MYLK: variants seen among roughly 807,000 people sequenced by gnomAD.
MYLK encodes the protein myosin light chain kinase, also known as myosin light chain kinase, smooth muscle.
Under a neutral mutation model 203.4 loss-of-function variants are expected in MYLK, and 106 were observed. That is an observed-to-expected ratio of 0.52 (90% CI 0.45 to 0.61). The LOEUF (loss-of-function observed/expected upper bound fraction) is 0.61. MYLK is among the 20% of genes least tolerant of loss of function. The probability of loss-of-function intolerance (pLI) is 0.00; values close to 1 mark genes in which losing one functional copy is unlikely to be tolerated. For missense variants in MYLK, 2,072 were observed against 2,442.3 expected (o/e 0.85, Z 3.20); for synonymous variants, 867 against 959.5 (o/e 0.90, Z 1.78).
chr3:123,647,480 T>C (rs1190990214), intron 26 of MYLK, 53 bp from the exon 27 acceptor site: 16 of 1,567,594 alleles, frequency 1.0e-5, no homozygotes, highest in Non-Finnish European at 1.4e-5. Flanking sequence ...AGCTTTCCGC[T>C]AACTTGGGGT....
chr3:123,735,966 C>T (rs189343576), intron 8 of MYLK, among the ~76,000 whole-genome samples: 23 of 152,216 alleles, frequency 1.5e-4, no homozygotes, highest in Non-Finnish European at 2.6e-4. Flanking sequence ...TGTTTTCTTT[C>T]GTTTATTTGT....
chr3:123,722,280 C>G lies in MYLK; in HGVS notation c.1652G>C (p.Gly551Ala), dbSNP rs1164342090. 8.3e-6 allele frequency: 13 copies of G among 1,565,980 alleles called. No individual in the cohort carries two copies. The highest frequency in any genetic ancestry group is 1.1e-5 in the Non-Finnish European group (13 of 1,154,866). Residue 551 changes from glycine (G) to alanine (A), a missense_variant and splice_region_variant, in exon 13 of 34, where the codon GGG becomes GCG. Around this residue, in one of 3 missense-constraint regions of MYLK, gnomAD observed 865 missense variants for 1,016.0 expected, o/e 0.85. Coordinates refer to ENST00000360304, the MANE Select transcript of MYLK (RefSeq NM_053025.4). ...GGAGCGAGCGTACTGGATGGGCTGC[C>G]CTGTGGAGGAAGCACAGGAAGGCTC... ...PVPRITWLLN[G>A]QPIQYARSTC...
intron 4 of MYLK, among the ~76,000 whole-genome samples, chr3:123,776,210 G>A (rs541621725): frequency 3.6e-4 from 55 of 152,282 alleles, no homozygotes; most frequent in African/African-American, 1.2e-3. Flanking sequence ...ACCAAGCTAC[G>A]AGCTGGGGCA....
chr3:123,712,262 G>C (rs558881686), intron 13 of MYLK, among the ~76,000 whole-genome samples: 1 of 152,374 alleles, frequency 6.6e-6, no homozygotes, highest in African/African-American at 2.4e-5. Flanking sequence ...GGCTGCAGCA[G>C]TCAGGAGAGC....
intron 18 of MYLK, among the ~76,000 whole-genome samples, chr3:123,693,964 A>C (rs1193238937): frequency 1.3e-5 from 2 of 152,226 alleles, no homozygotes; most frequent in Non-Finnish European, 2.9e-5. Flanking sequence ...CCCACAAGCC[A>C]CTGGCATTGG....
At chr3:123,774,018 T>A (rs1576926191) in intron 4 of MYLK, among the ~76,000 whole-genome samples, 1 of 152,114 alleles carries the variant, frequency 6.6e-6, no homozygotes, top group Non-Finnish European at 1.5e-5. Flanking sequence ...CTTGGCAGGG[T>A]CCTGGGGCTG....
rs201711566 is a variant in MYLK at position 123,700,569 on chromosome 3, C to T, written c.2899G>A (p.Val967Met). The T allele has an allele frequency of 1.6e-5, 26 of 1,613,632 alleles. No individual in the cohort carries two copies. Among genetic ancestry groups the T allele is most frequent in the South Asian group, 4.4e-5 (4 of 91,072 alleles). Residue 967 changes from valine (V) to methionine (M), a missense_variant, in exon 18 of 34, where the codon GTG becomes ATG. Transcript: ENST00000360304. ...LAKKGTSKTP[V>M]PEKVPPPKPA... The stretch of plus-strand genomic sequence containing the variant: ...TTTGGCGGTGGCACCTTCTCAGGCA[C>T]GGGGGTCTTGGAAGTCCCCTTCTTG...
intron 11 of MYLK, among the ~76,000 whole-genome samples, chr3:123,729,825 T>C (rs1156305977): frequency 1.3e-5 from 2 of 150,080 alleles, no homozygotes; most frequent in Non-Finnish European, 2.9e-5. Flanking sequence ...GAGGCAGCAA[T>C]GAGCTATTAT....
chr3:123,818,507 C>T (rs971445725), intron 3 of MYLK, among the ~76,000 whole-genome samples: 16 of 152,022 alleles, frequency 1.1e-4, no homozygotes, highest in African/African-American at 2.9e-4. Context: ...CTGGACAACA[C>T]GGCAAACCAC....
intron 19 of MYLK, among the ~76,000 whole-genome samples, chr3:123,687,059 T>C (rs1370793309): frequency 1.3e-5 from 2 of 151,968 alleles, no homozygotes; most frequent in Non-Finnish European, 2.9e-5. Flanking sequence ...CCTTCTCTAC[T>C]AAAAATACAA....
chr3:123,836,397 A>C (rs114532512), intron 2 of MYLK, among the ~76,000 whole-genome samples: 1 of 152,182 alleles, frequency 6.6e-6, no homozygotes. Context: ...ATATTTTTAT[A>C]CCCACTTTTT....
chr3:123,871,061 C>G lies in MYLK; in HGVS notation c.-127+5498G>C, dbSNP rs115323627. Among the ~76,000 whole-genome samples the G allele has an allele frequency of 2.7e-3, 412 of 152,020 alleles. 2 individuals are homozygous for G. Among genetic ancestry groups the G allele is most frequent in the African/African-American group, 9.3e-3 (383 of 41,362 alleles). On this transcript the variant is annotated intron_variant, in intron 2 of 33. Transcript: ENST00000360304. Reference sequence around the variant, plus strand: ...CAGTCCATGGTGTGACCGTTCGCCTCCTTCCCATTGGTCCCACCCCCAAGC... The same window carrying G: ...CAGTCCATGGTGTGACCGTTCGCCTGCTTCCCATTGGTCCCACCCCCAAGC...
rs76472344 is a variant in MYLK, at chr3:123,654,179, T to C, written c.4288+2947A>G. Among the ~76,000 whole-genome samples, 1,018 of 152,314 alleles carry C rather than the reference T, an allele frequency of 6.7e-3. 14 individuals are homozygous for C. The highest frequency in any genetic ancestry group is 0.022 in the African/African-American group (924 of 41,562). On this transcript the variant is annotated intron_variant, in intron 24 of 33. Coordinates refer to ENST00000360304, the MANE Select transcript of MYLK (RefSeq NM_053025.4). ...ATAGCTCTCAAGGAGACCTGCTCTA[T>C]GCATATTGACATGGCTCAACGGGTA...
At position 123,708,728 on chromosome 3, in the gene MYLK, C is replaced by T. The variant is rs754306040; in HGVS notation, c.2110G>A (p.Val704Ile). The T allele has an allele frequency of 3.1e-6, 5 of 1,614,052 alleles. No homozygotes were observed. The African/African-American group carries it at 4.0e-5, about 13-fold the overall frequency. The change falls in exon 15 of 34, where the codon GTC becomes ATC. Residue 704 changes from valine to isoleucine, a missense_variant. By Grantham distance (29) the Val-to-Ile change is conservative. This residue lies in a region of MYLK where 865 missense variants were observed against 1,016.0 expected (regional missense o/e 0.85). Transcript: ENST00000360304. ...TCEAWNSAGE[V>I]RTQAVLTVQE... ...ACCGTGAGCACGGCCTGGGTGCGGA[C>T]CTCTCCAGCGCTGTTCCAGGCCTCG...
intron 2 of MYLK, among the ~76,000 whole-genome samples, chr3:123,871,617 G>A (rs1333720115): frequency 6.6e-6 from 1 of 151,992 alleles, no homozygotes; most frequent in African/African-American, 2.4e-5. Context: ...AATCACTCAA[G>A]AAGAAACAAA....
intron 19 of MYLK, among the ~76,000 whole-genome samples, chr3:123,686,473 AG>A (rs1384492772): frequency 1.3e-5 from 2 of 151,702 alleles, no homozygotes; most frequent in South Asian, 4.2e-4. Flanking sequence ...TCCAGCTTCT[AG>A]GGGCCCCCAG....
chr3:123,835,547 A>G (rs1413514708), intron 2 of MYLK, among the ~76,000 whole-genome samples: 1 of 152,226 alleles, frequency 6.6e-6, no homozygotes, highest in African/African-American at 2.4e-5. Flanking sequence ...TTTTGTTTTA[A>G]TTTAACTTGT....
At chr3:123,616,527 T>C (rs534184293) in intron 33 of MYLK, 1 of 152,282 alleles carries the variant, frequency 6.6e-6, no homozygotes. Flanking sequence ...TCTTAAATGT[T>C]GGTGAAGTAT....
intron 24 of MYLK, among the ~76,000 whole-genome samples, chr3:123,652,638 G>T (rs2059255536): frequency 6.6e-6 from 1 of 152,232 alleles, no homozygotes; most frequent in Admixed American, 6.5e-5. Context: ...GGGGTTGCAA[G>T]GAGGCTCCAG....
Sources: gnomAD v4.1 joint callset for allele counts (sites outside exome capture counted in the v4.1 genomes callset) on GRCh38, gnomAD v4.1.1 for gene constraint, gnomAD v4.1.1 regional missense constraint, MANE v1.5 for transcripts, NCBI Gene and HGNC (gene_info 2026-07-23, HGNC 2026-07-21) for gene names.